MAP7D3: variants seen among roughly 807,000 people sequenced by gnomAD.
The protein encoded by MAP7D3 is MAP7 domain-containing protein 3.
Under a neutral mutation model 62.2 loss-of-function variants are expected in MAP7D3, and 45 were observed. That is an observed-to-expected ratio of 0.72 (90% CI 0.57 to 0.93). The LOEUF (loss-of-function observed/expected upper bound fraction) is 0.93. Ranked by LOEUF, MAP7D3 falls within the 40% of genes least tolerant of loss-of-function variation. The pLI, the probability that MAP7D3 is intolerant of heterozygous loss-of-function variation, is 0.00. For synonymous variants in MAP7D3, 288 were observed against 248.8 expected, an observed-to-expected ratio of 1.16 and a Z score of -1.48; for missense variants, 711 against 683.1, an observed-to-expected ratio of 1.04 and a Z score of -0.45.
At chrX:136,223,161 A>G (rs1468265052) in intron 14 of MAP7D3, among the ~76,000 whole-genome samples, 1 of 111,163 alleles carries the variant, frequency 9.0e-6, no homozygotes, top group Non-Finnish European at 1.9e-5. Context: ...TGCTTGAGGG[A>G]AAACTCCCAA....
rs941463331 is a variant in MAP7D3 at position 136,236,198 on chromosome X, C to A, written c.736+46G>T. 6.3e-6 allele frequency: 5 copies of A among 793,246 alleles called. No homozygotes were observed. The African/African-American group carries it at 1.1e-4, about 17-fold the overall frequency. The allele number at this position is 793,246 out of a possible 1,213,427, so 65.4% of individuals were successfully genotyped here. ...AGCAATTCAATGTTGACATAAAATACCTCTTTTAAATCACTATTTAAAATT... is the reference window on the plus strand; with the variant it reads ...AGCAATTCAATGTTGACATAAAATAACTCTTTTAAATCACTATTTAAAATT... On this transcript the variant is annotated intron_variant, in intron 7 of 18. Coordinates refer to ENST00000316077, the MANE Select transcript of MAP7D3 (RefSeq NM_024597.4).
Position 136,231,586 on chromosome X carries a change from G to A in MAP7D3, c.1371C>T (p.Ser457=), listed in dbSNP as rs762463502. The change falls in exon 8 of 19, where the codon AGC becomes AGT. Residue 457 remains serine (S), a synonymous_variant. Coordinates refer to ENST00000316077, the MANE Select transcript of MAP7D3 (RefSeq NM_024597.4). The part of the protein sequence containing the change: ...KASPKTSLEA[S]MEASPKAKAR... ...CTTTTGCCTTGGGAGATGCTTCCAT[G>A]CTTGCTTCAAGGGATGTCTTGGGGG... 4.1e-6 allele frequency: 5 copies of A among 1,208,474 alleles called. No homozygotes were observed. The highest frequency in any genetic ancestry group is 1.8e-5 in the South Asian group (1 of 56,389).
At chrX:136,230,303 G>T in intron 10 of MAP7D3, 82 bp downstream of exon 10, 1 of 557,086 alleles carries the variant, frequency 1.8e-6, no homozygotes, top group Non-Finnish European at 3.0e-6. Context: ...CTCAATTGGG[G>T]AATAAAATGA....
upstream of MAP7D3, among the ~76,000 whole-genome samples, chrX:136,253,587 C>T (rs892819294): frequency 9.8e-5 from 11 of 112,227 alleles, no homozygotes; most frequent in African/African-American, 1.9e-4. Context: ...AAAGGGCATA[C>T]GTTACTGGCA....
rs1437301141 is a variant in MAP7D3 at position 136,219,434 on chromosome X, T to G, written c.2627A>C (p.Gln876Pro). 2.5e-6 allele frequency: 3 copies of G among 1,194,448 alleles called. No individual in the cohort carries two copies. The African/African-American group carries it at 5.3e-5, about 21-fold the overall frequency. Reference sequence around the variant, plus strand: ...GAAACAGGTTTGCTTCTTCTCTTATTGTCTAAAGGTGTCTGAGGACTTTGG... The same window carrying G: ...GAAACAGGTTTGCTTCTTCTCTTATGGTCTAAAGGTGTCTGAGGACTTTGG... ...ILPKSSDTFR[Q>P] The change falls in exon 18 of 19, where the codon CAA (glutamine) becomes CCA (proline). Residue 876 changes from glutamine to proline, a missense_variant. Coordinates refer to ENST00000316077, the MANE Select transcript of MAP7D3 (RefSeq NM_024597.4).
chrX:136,240,488 T>G lies in MAP7D3; in HGVS notation c.536-2A>C. ...CAGTAGATGCAGATCGTTTATTGGC[T>G]GAGAAAAGACATAATACTTACTGTA... On this transcript the variant is annotated splice_acceptor_variant, in intron 5 of 18. Transcript: ENST00000316077. LOFTEE classifies it high-confidence loss of function. 3 of 1,101,913 alleles carry G rather than the reference T, an allele frequency of 2.7e-6. No homozygotes were observed. The highest frequency in any genetic ancestry group is 3.8e-6 in the Non-Finnish European group (3 of 796,532). The allele number at this position is 1,101,913 out of a possible 1,213,427, so 90.8% of individuals were successfully genotyped here. A position where few individuals can be genotyped will look rare whatever the true frequency, so the allele number is the denominator to read the frequency against.
Position 136,216,846 on chromosome X carries a change from C to A in MAP7D3, c.*1680G>T, listed in dbSNP as rs1293737125. The A allele has an allele frequency of 8.9e-6, 1 of 111,959 alleles. No individual in the cohort carries two copies. Among genetic ancestry groups the A allele is most frequent in the Non-Finnish European group, 1.9e-5 (1 of 53,233 alleles). 9.2% of individuals were successfully genotyped at this position (111,959 alleles called of 1,213,427 possible). A position where few individuals can be genotyped will look rare whatever the true frequency, so the allele number is the denominator to read the frequency against. ...TCCAAAGTTTATTTTATATAGCACACATTTATATGGAACTGTAACAGTGTT... is the reference window on the plus strand; with the variant it reads ...TCCAAAGTTTATTTTATATAGCACAAATTTATATGGAACTGTAACAGTGTT... On this transcript the variant is annotated 3_prime_UTR_variant, in exon 19 of 19. Transcript: ENST00000316077.
chrX:136,229,936 A>C, intron 10 of MAP7D3, among the ~76,000 whole-genome samples: 1 of 92,783 alleles, frequency 1.1e-5, no homozygotes, highest in Non-Finnish European at 2.1e-5. Flanking sequence ...CCCTTTCCAC[A>C]TCGGGCTAAT....
intron 3 of MAP7D3, among the ~76,000 whole-genome samples, 199 bp downstream of exon 3, chrX:136,245,866 C>T (rs141620059): frequency 0.015 from 1,688 of 111,872 alleles, 10 homozygotes; most frequent in Non-Finnish European, 0.022. Flanking sequence ...ATAAACTACT[C>T]CTTCAAAAAT....
At position 136,230,396 on chromosome X, in the gene MAP7D3, A is replaced by T. The variant is rs1404801461; in HGVS notation, c.1739T>A (p.Met580Lys). ...NRCEALSQRH[M>K]IYEESGNKST... is the part of the protein sequence containing the mutation. Reference sequence around the variant, plus strand: ...GTGAAAGAACTTACCTTCATAGATCATATGCCTTTGGCTCAAAGCCTCACA... The same window carrying T: ...GTGAAAGAACTTACCTTCATAGATCTTATGCCTTTGGCTCAAAGCCTCACA... Residue 580 changes from methionine (M) to lysine (K), a missense_variant, in exon 10 of 19, where the codon ATG becomes AAG. Transcript: ENST00000316077. The T allele has an allele frequency of 1.7e-6, 2 of 1,171,740 alleles. No individual in the cohort carries two copies. The highest frequency in any genetic ancestry group is 2.3e-6 in the Non-Finnish European group (2 of 861,282).
chrX:136,252,676 C>CAAAAAAAAAAAAAAAA (rs770751343), upstream of MAP7D3, among the ~76,000 whole-genome samples: 41 of 36,018 alleles, frequency 1.1e-3, no homozygotes, highest in African/African-American at 1.5e-3. Flanking sequence ...GACTCTGTCT[C>CAAAAAAAAAAAAAAAA]AAAAAAAAAA....
chrX:136,224,314 CACTT>C (rs997137836), intron 14 of MAP7D3, among the ~76,000 whole-genome samples: 1 of 106,219 alleles, frequency 9.4e-6, no homozygotes, highest in African/African-American at 3.4e-5. Flanking sequence ...GCAGGAGAAT[CACTT>C]GAACCCAGGA....
intron 4 of MAP7D3, among the ~76,000 whole-genome samples, chrX:136,243,418 T>A (rs2074411206): frequency 8.9e-6 from 1 of 111,903 alleles, no homozygotes; most frequent in Admixed American, 9.4e-5. Flanking sequence ...AGAATCCCTA[T>A]AATAGGCTGG....
chrX:136,256,277 T>G, upstream of MAP7D3: 1 of 1,154,521 alleles, frequency 8.7e-7, no homozygotes. Context: ...CATCTGCGCT[T>G]TCTTCCCTCC....
chrX:136,241,325 T>C (rs1319100789), intron 4 of MAP7D3, 48 bp from the exon 5 acceptor site: 3 of 728,088 alleles, frequency 4.1e-6, no homozygotes, highest in Non-Finnish European at 6.1e-6. Context: ...ATCAAATTAG[T>C]ATAATTTTGA....
chrX:136,235,503 C>T (rs911486509), intron 7 of MAP7D3, among the ~76,000 whole-genome samples: 5 of 111,902 alleles, frequency 4.5e-5, no homozygotes, highest in Admixed American at 9.5e-5. Context: ...AATCCCAGCA[C>T]TTTGGGAGGC....
upstream of MAP7D3, among the ~76,000 whole-genome samples, chrX:136,255,366 C>A (rs190821989): frequency 2.6e-4 from 29 of 112,772 alleles, no homozygotes; most frequent in African/African-American, 8.4e-4. Flanking sequence ...GCCTTTTAAT[C>A]TGTAGATATA....
Position 136,228,939 on chromosome X carries a change from A to G in MAP7D3, c.1751-181T>C, listed in dbSNP as rs1021611458. The stretch of plus-strand genomic sequence containing the variant: ...TTTTGTTCAAACTGCACCCCCAACA[A>G]CAGCAGAAGCATTTTGTTTCTTTTT... On this transcript the variant is annotated intron_variant, in intron 10 of 18. Coordinates refer to ENST00000316077, the MANE Select transcript of MAP7D3 (RefSeq NM_024597.4). 1.4e-5 allele frequency: 4 copies of G among 279,701 alleles called. No individual in the cohort carries two copies. In the East Asian group the frequency reaches 2.2e-4, roughly 15 times the overall value. The allele number at this position is 279,701 out of a possible 1,213,427, so 23.1% of individuals were successfully genotyped here.
At chrX:136,235,065 G>A (rs1001304371) in intron 7 of MAP7D3, among the ~76,000 whole-genome samples, 1 of 111,883 alleles carries the variant, frequency 8.9e-6, no homozygotes, top group Admixed American at 9.5e-5. Context: ...TCTAAGGAAA[G>A]AATCTAGGTA....
Sources: allele counts gnomAD v4.1 joint callset (sites outside exome capture counted in the v4.1 genomes callset), GRCh38; gene constraint gnomAD v4.1.1; transcripts MANE v1.5; gene names NCBI Gene and HGNC (gene_info 2026-07-23, HGNC 2026-07-21).